Variants in FHOD3 observed in about 807,000 individuals in gnomAD.
The protein encoded by FHOD3 is formin homology 2 domain containing 3.
A neutral mutation model predicts 173.0 loss-of-function variants in FHOD3; 90 were observed. That is an observed-to-expected ratio of 0.52 (90% CI 0.44 to 0.62). The LOEUF is 0.62. Among genes scored for constraint, FHOD3 ranks in the 20% least tolerant of loss-of-function variants. FHOD3 has a pLI of 0.00. For missense variants in FHOD3, 1,945 were observed against 2,034.7 expected (o/e 0.96, Z 0.85); for synonymous variants, 828 against 823.0 (o/e 1.01, Z -0.10).
intron 3 of FHOD3, among the ~76,000 whole-genome samples, chr18:36,474,986 TACAC>T (rs3056805): frequency 0.024 from 2,622 of 108,062 alleles, 34 homozygotes; most frequent in South Asian, 0.035. Flanking sequence ...AATACACACA[TACAC>T]ACACACACAC....
intron 3 of FHOD3, among the ~76,000 whole-genome samples, chr18:36,459,157 C>T (rs1246932000): frequency 9.6e-3 from 4 of 416 alleles, no homozygotes; most frequent in African/African-American, 0.034. Context: ...TTTATGGCCA[C>T]ACCCCCATCT....
intron 14 of FHOD3, among the ~76,000 whole-genome samples, chr18:36,661,843 C>A (rs1343995085): frequency 6.6e-6 from 1 of 152,106 alleles, no homozygotes; most frequent in Non-Finnish European, 1.5e-5. Flanking sequence ...ATAGGGCTCT[C>A]TTTTAGAAAT....
chr18:36,560,029 C>G (rs987164865), intron 5 of FHOD3, among the ~76,000 whole-genome samples: 3 of 152,182 alleles, frequency 2.0e-5, no homozygotes, highest in African/African-American at 7.2e-5. Flanking sequence ...ACTCCACATG[C>G]AGCAGACTTT....
intron 1 of FHOD3, among the ~76,000 whole-genome samples, chr18:36,340,631 CT>C (rs1238887682): frequency 1.1e-4 from 14 of 123,994 alleles, no homozygotes; most frequent in African/African-American, 3.6e-4. Context: ...GCTCAGTCTC[CT>C]TTTCTTTTTT....
intron 3 of FHOD3, among the ~76,000 whole-genome samples, chr18:36,424,203 C>T (rs915153136): frequency 5.9e-5 from 9 of 152,152 alleles, no homozygotes; most frequent in East Asian, 5.8e-4. Context: ...CAAGCCTTTC[C>T]GATGCCCACT....
At chr18:36,490,233 C>A (rs1413262021) in intron 3 of FHOD3, among the ~76,000 whole-genome samples, 2 of 152,128 alleles carry the variant, frequency 1.3e-5, no homozygotes, top group Admixed American at 6.6e-5. Flanking sequence ...TATTAAGTGG[C>A]CTTCATCAGC....
chr18:36,470,947 G>A (rs1599267760), intron 3 of FHOD3, among the ~76,000 whole-genome samples: 1 of 152,316 alleles, frequency 6.6e-6, no homozygotes, highest in East Asian at 1.9e-4. Flanking sequence ...GCTGAACTGG[G>A]ACATGATGGC....
chr18:36,366,281 GAA>G (rs897677197), intron 2 of FHOD3, among the ~76,000 whole-genome samples: 13 of 152,200 alleles, frequency 8.5e-5, no homozygotes, highest in African/African-American at 3.1e-4. Context: ...GGAGGAATGA[GAA>G]GAGGCAGACA....
chr18:36,683,451 T>C (rs2038388385), intron 15 of FHOD3, among the ~76,000 whole-genome samples: 1 of 152,164 alleles, frequency 6.6e-6, no homozygotes, highest in South Asian at 2.1e-4. Context: ...GGAGAGAATG[T>C]GTGAAACTCT....
At chr18:36,423,091 G>T (rs2050068434) in intron 3 of FHOD3, among the ~76,000 whole-genome samples, 1 of 125,426 alleles carries the variant, frequency 8.0e-6, no homozygotes, top group Non-Finnish European at 1.6e-5. Flanking sequence ...CCTCACCCTT[G>T]ATTCCTCCCC....
At chr18:36,518,835 T>C (rs984773697) in intron 5 of FHOD3, among the ~76,000 whole-genome samples, 1 of 152,126 alleles carries the variant, frequency 6.6e-6, no homozygotes, top group Non-Finnish European at 1.5e-5. Context: ...ACCTCTGCTT[T>C]AGGTGTCTTG....
chr18:36,370,058 G>A (rs1598868071), intron 2 of FHOD3, among the ~76,000 whole-genome samples: 2 of 152,278 alleles, frequency 1.3e-5, no homozygotes, highest in Middle Eastern at 6.8e-3. Context: ...GTAGGGAAGG[G>A]TGAGAGGTCA....
At chr18:36,314,130 AT>A (rs2092313734) in intron 1 of FHOD3, among the ~76,000 whole-genome samples, 2 of 152,198 alleles carry the variant, frequency 1.3e-5, no homozygotes, top group African/African-American at 2.4e-5. Flanking sequence ...AAGATCATTC[AT>A]TTAGATATCT....
At chr18:36,496,070 C>T (rs2054729304) in intron 3 of FHOD3, among the ~76,000 whole-genome samples, 1 of 152,188 alleles carries the variant, frequency 6.6e-6, no homozygotes, top group South Asian at 2.1e-4. Flanking sequence ...GAGGCCTGCA[C>T]AGCCTTGGTG....
chr18:36,588,436 T>C (rs2059111357), intron 6 of FHOD3, among the ~76,000 whole-genome samples: 1 of 152,232 alleles, frequency 6.6e-6, no homozygotes, highest in South Asian at 2.1e-4. Context: ...CACTTTCGAA[T>C]TCAGTTTTAA....
At chr18:36,487,985 C>A (rs1158805887) in intron 3 of FHOD3, among the ~76,000 whole-genome samples, 4 of 152,196 alleles carry the variant, frequency 2.6e-5, no homozygotes, top group Non-Finnish European at 5.9e-5. Flanking sequence ...TGTAAAAATG[C>A]CAGTATATAT....
chr18:36,302,338 G>A (rs2091975894), intron 1 of FHOD3, among the ~76,000 whole-genome samples: 1 of 152,134 alleles, frequency 6.6e-6, no homozygotes, highest in African/African-American at 2.4e-5. Flanking sequence ...CCAAGTGTGA[G>A]CTGTGTATCA....
At chr18:36,591,910 G>A (rs2059230509) in intron 6 of FHOD3, among the ~76,000 whole-genome samples, 1 of 151,372 alleles carries the variant, frequency 6.6e-6, no homozygotes, top group South Asian at 2.1e-4. Flanking sequence ...GTGACAGAAT[G>A]AGACCCTGTC....
chr18:36,354,600 G>A (rs1279970558), intron 1 of FHOD3, among the ~76,000 whole-genome samples: 3 of 152,112 alleles, frequency 2.0e-5, no homozygotes, highest in African/African-American at 7.2e-5. Flanking sequence ...TCAGGAGTTC[G>A]AGACCAGGCT....
Sources: allele counts gnomAD v4.1 joint callset (sites outside exome capture counted in the v4.1 genomes callset), GRCh38; gene constraint gnomAD v4.1.1; transcripts MANE v1.5; gene names NCBI Gene and HGNC (gene_info 2026-07-23, HGNC 2026-07-21).